The following SCAP variants were observed in gnomAD, a reference collection of about 807,000 sequenced individuals.
SCAP encodes the protein SREBF chaperone, also known as sterol regulatory element-binding protein cleavage-activating protein.
In SCAP, 65 loss-of-function variants were observed where a neutral mutation model predicts 123.6. That is an observed-to-expected ratio of 0.53 (90% CI 0.43 to 0.65). The LOEUF (loss-of-function observed/expected upper bound fraction) is 0.65, where lower values mean the gene tolerates loss of function less well. Ranked by LOEUF, SCAP falls within the 30% of genes least tolerant of loss-of-function variation. The pLI is 0.00. For synonymous variants in SCAP, 740 were observed against 726.3 expected, an observed-to-expected ratio of 1.02 and a Z score of -0.30; for missense variants, 1,398 against 1,712.5, an observed-to-expected ratio of 0.82 and a Z score of 3.24.
intron 1 of SCAP, among the ~76,000 whole-genome samples, chr3:47,467,099 G>GAAAAAAAAAAAAAAAAAAA (rs1391002481): frequency 1.1e-5 from 1 of 88,090 alleles, no homozygotes. Flanking sequence ...TCTTAAAAAA[G>GAAAAAAAAAAAAAAAAAAA]AAAAAAAAAA....
At chr3:47,460,250 C>T (rs933875405) in intron 1 of SCAP, among the ~76,000 whole-genome samples, 2 of 152,108 alleles carry the variant, frequency 1.3e-5, no homozygotes, top group Non-Finnish European at 2.9e-5. Context: ...TGACGTACAT[C>T]CTCAGCTTAC....
At chr3:47,426,379 CCTTT>C (rs1267571610) in intron 6 of SCAP, among the ~76,000 whole-genome samples, 1 of 152,192 alleles carries the variant, frequency 6.6e-6, no homozygotes, top group South Asian at 2.1e-4. Context: ...TCCCCCTGCT[CCTTT>C]CTTTGTCTCC....
intron 1 of SCAP, among the ~76,000 whole-genome samples, chr3:47,469,556 AC>A (rs1434800393): frequency 6.6e-6 from 1 of 152,100 alleles, no homozygotes; most frequent in Non-Finnish European, 1.5e-5. Flanking sequence ...GCAAGGTTTC[AC>A]CATGTTGGCC....
Position 47,443,108 on chromosome 3 carries a change from A to G in SCAP, c.-98-17T>C. 1 of 1,523,898 alleles carries G rather than the reference A, an allele frequency of 6.6e-7. No homozygotes were observed. The highest frequency in any genetic ancestry group is 8.8e-7 in the Non-Finnish European group (1 of 1,133,942). The allele number at this position is 1,523,898 out of a possible 1,614,324, so 94.4% of individuals were successfully genotyped here. On this transcript the variant is annotated splice_polypyrimidine_tract_variant and intron_variant, in intron 1 of 22. Coordinates refer to ENST00000265565, the MANE Select transcript of SCAP (RefSeq NM_012235.4). ...TGCAGGTACCTGGTAAGAAGGGAGA[A>G]AAGCCAGTTAACAAAGAGTACTTGG...
chr3:47,441,987 T>C (rs1706826678), intron 2 of SCAP, among the ~76,000 whole-genome samples: 1 of 150,244 alleles, frequency 6.7e-6, no homozygotes. Context: ...ATTACAGGTA[T>C]GAGCACTGCA....
intron 1 of SCAP, among the ~76,000 whole-genome samples, chr3:47,464,284 G>C (rs1348732720): frequency 6.6e-6 from 1 of 152,078 alleles, no homozygotes; most frequent in Non-Finnish European, 1.5e-5. Context: ...TCAAAGTGCT[G>C]GGATTACAGG....
In SCAP at chr3:47,420,887, C is replaced by T; in HGVS notation, c.1344+44G>A. 1 of 1,598,768 alleles carries T rather than the reference C, an allele frequency of 6.3e-7. No homozygotes were observed. Among genetic ancestry groups the T allele is most frequent in the Non-Finnish European group, 8.6e-7 (1 of 1,166,426 alleles). On this transcript the variant is annotated intron_variant, in intron 11 of 22. Coordinates refer to ENST00000265565, the MANE Select transcript of SCAP (RefSeq NM_012235.4). This position sits in a 1 kb window ranked among gnomAD's most constrained non-coding sequence, Gnocchi z 5.0. Reference sequence around the variant, plus strand: ...TCACCCAGGACTCCCTCAGTACAGCCAGGGCTGAGGAGGCGGGCAGGGCAG... The same window carrying T: ...TCACCCAGGACTCCCTCAGTACAGCTAGGGCTGAGGAGGCGGGCAGGGCAG...
At chr3:47,469,325 T>C (rs1707950275) in intron 1 of SCAP, among the ~76,000 whole-genome samples, 1 of 152,050 alleles carries the variant, frequency 6.6e-6, no homozygotes, top group Middle Eastern at 3.2e-3. Flanking sequence ...CCAGCTTGAG[T>C]GACAAGGAGA....
rs757591694 is a variant in SCAP, at chr3:47,426,132, G to A, written c.775C>T (p.His259Tyr). 8 of 1,613,740 alleles carry A rather than the reference G, an allele frequency of 5.0e-6. No homozygotes were observed. The Admixed American group carries it at 1.0e-4, about 20-fold the overall frequency. ...CGAAGGCTGCAGTTGGGGCTGGGGTGCAGAAGCATCAGGCGGGCACGCAGG... is the reference window on the plus strand; with the variant it reads ...CGAAGGCTGCAGTTGGGGCTGGGGTACAGAAGCATCAGGCGGGCACGCAGG... The part of the protein sequence containing the change: ...GSLRARLMLL[H>Y]PSPNCSLRAE... The change falls in exon 7 of 23, where the codon CAC becomes TAC. Residue 259 changes from histidine (H) to tyrosine (Y), a missense_variant. Around this residue, in one of 7 missense-constraint regions of SCAP, gnomAD observed 319 missense variants for 432.4 expected, o/e 0.74. Transcript: ENST00000265565.
chr3:47,468,744 T>C (rs1462477942), intron 1 of SCAP, among the ~76,000 whole-genome samples: 3 of 152,232 alleles, frequency 2.0e-5, no homozygotes, highest in African/African-American at 2.4e-5. Flanking sequence ...TTTGTCAATT[T>C]TGGCTTTTGT....
At chr3:47,416,099 G>GC (rs1316560283) in intron 18 of SCAP, among the ~76,000 whole-genome samples, 4 of 152,172 alleles carry the variant, frequency 2.6e-5, no homozygotes, top group Admixed American at 6.5e-5. Context: ...GGCAAGGGAC[G>GC]CCCCCTCCCC....
At chr3:47,438,975 T>C (rs1478162218) in intron 2 of SCAP, among the ~76,000 whole-genome samples, 2 of 152,138 alleles carry the variant, frequency 1.3e-5, no homozygotes, top group Non-Finnish European at 2.9e-5. Flanking sequence ...CAGTGAATAA[T>C]AACAATGAAA....
intron 1 of SCAP, among the ~76,000 whole-genome samples, chr3:47,448,365 G>A (rs921461597): frequency 6.6e-6 from 1 of 152,160 alleles, no homozygotes; most frequent in Non-Finnish European, 1.5e-5. Context: ...ATGTGTGTGT[G>A]TGTGTGGATT....
chr3:47,438,613 A>G (rs1467510450), intron 2 of SCAP, among the ~76,000 whole-genome samples: 2 of 152,150 alleles, frequency 1.3e-5, no homozygotes, highest in Non-Finnish European at 2.9e-5. Context: ...CAGGAGTTCA[A>G]GACCAGCCTG....
intron 2 of SCAP, among the ~76,000 whole-genome samples, chr3:47,440,765 T>A (rs193045636): frequency 6.6e-6 from 1 of 152,106 alleles, no homozygotes; most frequent in Non-Finnish European, 1.5e-5. Context: ...AGGGCTGAGG[T>A]AGGAGAATCA....
intron 1 of SCAP, among the ~76,000 whole-genome samples, chr3:47,463,565 G>A (rs575442487): frequency 1.3e-5 from 2 of 152,166 alleles, no homozygotes; most frequent in South Asian, 4.1e-4. Context: ...AGCTGGGTGT[G>A]GTAGTGCCTG....
At chr3:47,474,120 C>G (rs943698745) in intron 1 of SCAP, among the ~76,000 whole-genome samples, 32 of 152,132 alleles carry the variant, frequency 2.1e-4, no homozygotes, top group Admixed American at 2.1e-3. Flanking sequence ...AAAAAAGTAG[C>G]CGGGCATGGT....
chr3:47,431,898 G>A (rs1706373308), intron 3 of SCAP, among the ~76,000 whole-genome samples: 1 of 152,136 alleles, frequency 6.6e-6, no homozygotes, highest in African/African-American at 2.4e-5. Context: ...TTGCCCAGGA[G>A]ATTTGTCTAT....
chr3:47,456,618 T>C (rs1030086931), intron 1 of SCAP, among the ~76,000 whole-genome samples: 6 of 150,176 alleles, frequency 4.0e-5, no homozygotes, highest in African/African-American at 1.2e-4. Flanking sequence ...ATACAAAAAT[T>C]AGCCAGTGTG....
Sources: gnomAD v4.1 joint callset for allele counts (sites outside exome capture counted in the v4.1 genomes callset) on GRCh38, gnomAD v4.1.1 for gene constraint, gnomAD v4.1.1 regional missense constraint, Gnocchi (gnomAD v3.1) non-coding constraint, MANE v1.5 for transcripts, NCBI Gene and HGNC (gene_info 2026-07-23, HGNC 2026-07-21) for gene names.